Variants in CDH13 observed in about 807,000 individuals in gnomAD.
The protein encoded by CDH13 is cadherin 13.
CDH13 carries 24 observed loss-of-function variants against 63.8 expected under a neutral mutation model. The ratio of observed to expected loss-of-function variants is 0.38; its 90% CI spans 0.27 to 0.53. The LOEUF (loss-of-function observed/expected upper bound fraction) is 0.53. CDH13 is among the 20% of genes least tolerant of loss of function. CDH13 has a pLI of 0.85. For synonymous variants in CDH13, 503 were observed against 355.3 expected (o/e 1.42, Z -4.67); for missense variants, 1,049 against 903.1 (o/e 1.16, Z -2.07).
intron 2 of CDH13, among the ~76,000 whole-genome samples, chr16:82,924,232 AG>A (rs1244694200): frequency 2.0e-5 from 3 of 152,186 alleles, no homozygotes; most frequent in Non-Finnish European, 4.4e-5. Context: ...TAATGATCAA[AG>A]GACTCCATGT....
At position 83,602,558 on chromosome 16, in the gene CDH13, C is replaced by G; in HGVS notation, c.1065C>G (p.Asp355Glu). 6.2e-7 allele frequency: 1 copy of G among 1,613,974 alleles called. No individual in the cohort carries two copies. Among genetic ancestry groups the G allele is most frequent in the Non-Finnish European group, 8.5e-7 (1 of 1,179,862 alleles). Residue 355 changes from aspartate (D) to glutamate (E), a missense_variant, in exon 8 of 14, where the codon GAC (aspartate) becomes GAG (glutamate). Asp to Glu is a conservative substitution (Grantham distance 45, BLOSUM62 2). Coordinates refer to ENST00000567109, the MANE Select transcript of CDH13 (RefSeq NM_001257.5). ...CCACAGCCACGATCATGATCGATGACAAAAATGATCACTCACCAAAATTCA... is the reference window on the plus strand; with the variant it reads ...CCACAGCCACGATCATGATCGATGAGAAAAATGATCACTCACCAAAATTCA... ...GTATATIMID[D>E]KNDHSPKFTK...
intron 7 of CDH13, among the ~76,000 whole-genome samples, chr16:83,591,661 C>G (rs1013891356): frequency 2.0e-4 from 30 of 152,318 alleles, no homozygotes; most frequent in African/African-American, 7.0e-4. Flanking sequence ...CTTCAAAGCT[C>G]AGCTGCAGTC....
At chr16:82,790,123 C>T (rs1391825444) in intron 1 of CDH13, among the ~76,000 whole-genome samples, 2 of 152,116 alleles carry the variant, frequency 1.3e-5, no homozygotes, top group East Asian at 1.9e-4. Context: ...CCTCGCAACA[C>T]ACACACGTAC....
At chr16:83,001,423 A>G (rs926280240) in intron 2 of CDH13, among the ~76,000 whole-genome samples, 14 of 152,228 alleles carry the variant, frequency 9.2e-5, no homozygotes, top group African/African-American at 3.1e-4. Flanking sequence ...AATAATGATA[A>G]TGGATATTTT....
chr16:82,839,963 C>G (rs1454591486), intron 1 of CDH13, among the ~76,000 whole-genome samples: 1 of 152,198 alleles, frequency 6.6e-6, no homozygotes, highest in African/African-American at 2.4e-5. Flanking sequence ...ATCCAAAGGA[C>G]TGACTCATGA....
intron 1 of CDH13, among the ~76,000 whole-genome samples, chr16:82,744,971 T>G (rs1040802298): frequency 6.6e-6 from 1 of 152,214 alleles, no homozygotes; most frequent in African/African-American, 2.4e-5. Flanking sequence ...ATAGGTAGCA[T>G]TGACAGAGTC....
At chr16:83,491,718 C>G (rs768856496) in intron 7 of CDH13, among the ~76,000 whole-genome samples, 14 of 151,962 alleles carry the variant, frequency 9.2e-5, no homozygotes, top group Non-Finnish European at 2.1e-4. Flanking sequence ...TTGCCTTTAC[C>G]TTATTATCTA....
chr16:82,698,780 G>T (rs542945683), intron 1 of CDH13, among the ~76,000 whole-genome samples: 20 of 152,288 alleles, frequency 1.3e-4, no homozygotes, highest in African/African-American at 4.3e-4. Context: ...GGAAGCCAAA[G>T]AAATAGCTAG....
intron 7 of CDH13, among the ~76,000 whole-genome samples, chr16:83,557,127 T>C (rs1178995769): frequency 3.3e-5 from 5 of 152,144 alleles, no homozygotes; most frequent in African/African-American, 1.2e-4. Flanking sequence ...TAGAGTCTCA[T>C]AGGAGTATGA....
At chr16:83,359,141 A>G (rs530206110) in intron 6 of CDH13, among the ~76,000 whole-genome samples, 6 of 152,138 alleles carry the variant, frequency 3.9e-5, no homozygotes, top group Non-Finnish European at 8.8e-5. Context: ...TGAGTTCATC[A>G]GGGAGATCAA....
chr16:83,506,584 G>A (rs1345345048), intron 7 of CDH13, among the ~76,000 whole-genome samples: 1 of 152,166 alleles, frequency 6.6e-6, no homozygotes, highest in African/African-American at 2.4e-5. Context: ...CCAGCCCCCA[G>A]GAGGGCTCCC....
At chr16:83,168,815 G>T (rs2037799809) in intron 4 of CDH13, among the ~76,000 whole-genome samples, 1 of 151,894 alleles carries the variant, frequency 6.6e-6, no homozygotes, top group African/African-American at 2.4e-5. Context: ...TTTATTTTCT[G>T]GGAATGTTCT....
intron 2 of CDH13, among the ~76,000 whole-genome samples, chr16:82,916,441 G>A (rs867092928): frequency 3.9e-5 from 6 of 152,144 alleles, no homozygotes; most frequent in Non-Finnish European, 7.3e-5. Context: ...GGGCATGGTG[G>A]CAGGCACCTG....
chr16:82,886,729 A>G (rs2040900569), intron 2 of CDH13, among the ~76,000 whole-genome samples: 1 of 152,058 alleles, frequency 6.6e-6, no homozygotes, highest in Admixed American at 6.5e-5. Context: ...GTGATTCCTT[A>G]GAGCTTACTA....
intron 13 of CDH13, among the ~76,000 whole-genome samples, chr16:83,785,700 G>T (rs547368626): frequency 1.3e-5 from 2 of 152,254 alleles, no homozygotes; most frequent in South Asian, 4.2e-4. Flanking sequence ...TGGGGAGATG[G>T]TGGTGGATCT....
intron 3 of CDH13, among the ~76,000 whole-genome samples, chr16:83,058,924 T>G (rs1043658944): frequency 6.6e-5 from 10 of 152,312 alleles, no homozygotes; most frequent in Admixed American, 5.9e-4. Context: ...TCTTCTTAAC[T>G]GGTGGAACCT....
In CDH13 at chr16:83,368,887, TATATATATATATATATATATATATA is replaced by T. The variant is rs2091306276; in HGVS notation, c.781+23882_781+23906del. Among the ~76,000 whole-genome samples the T allele has an allele frequency of 8.9e-4, 34 of 37,992 alleles. 1 individual carries two copies. Among genetic ancestry groups the T allele is most frequent in the South Asian group, 6.7e-3 (10 of 1,500 alleles). The allele number at this position is 37,992 out of a possible 152,430, so 24.9% of individuals were successfully genotyped here. On this transcript the variant is annotated intron_variant, in intron 6 of 13. Coordinates refer to ENST00000567109, the MANE Select transcript of CDH13 (RefSeq NM_001257.5). ...GGCTGAGTAGTAGTATTCCATGTTA[TATATATATATATATATATATATATA>T]TATATATATATATATATATATATAT...
chr16:83,384,396 AGAAG>A (rs777910838), intron 6 of CDH13, among the ~76,000 whole-genome samples: 4 of 152,182 alleles, frequency 2.6e-5, no homozygotes, highest in Non-Finnish European at 4.4e-5. Context: ...GGCCAGTGAA[AGAAG>A]GAAATAGACT....
At chr16:82,875,827 T>G (rs2040486879) in intron 2 of CDH13, among the ~76,000 whole-genome samples, 1 of 152,204 alleles carries the variant, frequency 6.6e-6, no homozygotes, top group Non-Finnish European at 1.5e-5. Flanking sequence ...ACGAAGCTGG[T>G]TAATGTCCTG....
Sources: allele counts gnomAD v4.1 joint callset (sites outside exome capture counted in the v4.1 genomes callset), GRCh38; gene constraint gnomAD v4.1.1; transcripts MANE v1.5; gene names NCBI Gene and HGNC (gene_info 2026-07-23, HGNC 2026-07-21).